Variants in SDK1 observed in about 807,000 individuals in gnomAD.
SDK1 encodes sidekick cell adhesion molecule 1.
SDK1 carries 157 observed loss-of-function variants against 245.5 expected under a neutral mutation model. That is an observed-to-expected ratio of 0.64 (90% CI 0.56 to 0.73). SDK1 has a LOEUF of 0.73. Among genes scored for constraint, SDK1 ranks in the 30% least tolerant of loss-of-function variants. The pLI is 0.00. For synonymous variants in SDK1, 1,647 were observed against 1,278.5 expected (o/e 1.29, Z -6.15); for missense variants, 3,583 against 3,002.3 (o/e 1.19, Z -4.52).
chr7:3,787,180 A>ACACACACT (rs1174717395), intron 4 of SDK1, among the ~76,000 whole-genome samples: 13 of 151,518 alleles, frequency 8.6e-5, no homozygotes, highest in South Asian at 2.1e-4. Flanking sequence ...ACACACACAC[A>ACACACACT]CACACACTCC....
rs73296361 is a variant in SDK1, at chr7:3,398,210, C to T, written c.298+96326C>T. Among the ~76,000 whole-genome samples the T allele has an allele frequency of 2.6e-5, 4 of 152,002 alleles. No individual in the cohort carries two copies. The East Asian group carries it at 7.7e-4, about 29-fold the overall frequency. ...TCCTTGCTTTTTTCTCCTTTATTTT[C>T]TTTGGGCTTCCCTAGAAATACCGCC... On this transcript the variant is annotated intron_variant, in intron 1 of 44. Transcript: ENST00000404826.
At chr7:3,758,821 C>A (rs1051878323) in intron 4 of SDK1, among the ~76,000 whole-genome samples, 1 of 152,282 alleles carries the variant, frequency 6.6e-6, no homozygotes, top group East Asian at 1.9e-4. Context: ...TCAGTGGACC[C>A]AGCTAGGAAA....
intron 44 of SDK1, among the ~76,000 whole-genome samples, chr7:4,250,170 C>A (rs1267534439): frequency 6.6e-6 from 1 of 152,198 alleles, no homozygotes; most frequent in East Asian, 1.9e-4. Flanking sequence ...TGACTGGCTT[C>A]TTTCCCTTAG....
chr7:3,460,928 G>C (rs1420074034), intron 1 of SDK1, among the ~76,000 whole-genome samples: 1 of 152,148 alleles, frequency 6.6e-6, no homozygotes, highest in Non-Finnish European at 1.5e-5. Flanking sequence ...ATCTTTGACA[G>C]AGACACGTTT....
intron 4 of SDK1, among the ~76,000 whole-genome samples, chr7:3,687,127 C>T (rs1784309392): frequency 6.7e-6 from 1 of 148,644 alleles, no homozygotes. Flanking sequence ...GGCATTGTTT[C>T]CAAGACAAAT....
At chr7:3,472,807 A>G (rs893896710) in intron 1 of SDK1, among the ~76,000 whole-genome samples, 3 of 152,174 alleles carry the variant, frequency 2.0e-5, no homozygotes, top group African/African-American at 7.2e-5. Flanking sequence ...ACATAGGGTA[A>G]CAGCAAGTTG....
chr7:3,651,680 G>T (rs1783018524), intron 4 of SDK1, among the ~76,000 whole-genome samples: 1 of 152,170 alleles, frequency 6.6e-6, no homozygotes, highest in Non-Finnish European at 1.5e-5. Flanking sequence ...AGCAGAATGA[G>T]CTCCAAGTAA....
intron 1 of SDK1, among the ~76,000 whole-genome samples, chr7:3,534,736 A>AG (rs2128618800): frequency 6.6e-6 from 1 of 152,320 alleles, no homozygotes; most frequent in Non-Finnish European, 1.5e-5. Context: ...GGAAGTCCTC[A>AG]GTAAGGTTTT....
At chr7:4,116,382 C>A (rs542277382) in intron 25 of SDK1, among the ~76,000 whole-genome samples, 19 of 152,204 alleles carry the variant, frequency 1.2e-4, no homozygotes, top group Non-Finnish European at 2.5e-4. Flanking sequence ...CAGCAGCGCC[C>A]AGCACACCGA....
chr7:3,543,156 T>C (rs1364472105), intron 1 of SDK1, among the ~76,000 whole-genome samples: 2 of 152,234 alleles, frequency 1.3e-5, no homozygotes, highest in Non-Finnish European at 2.9e-5. Context: ...ATTTCTACTC[T>C]AGTTGTGGAA....
intron 1 of SDK1, among the ~76,000 whole-genome samples, chr7:3,402,131 T>G (rs1464825937): frequency 6.6e-6 from 1 of 152,152 alleles, no homozygotes; most frequent in Non-Finnish European, 1.5e-5. Context: ...GAAAATAATA[T>G]GCGGAAAATA....
intron 5 of SDK1, among the ~76,000 whole-genome samples, chr7:3,839,364 A>G (rs1780101946): frequency 6.6e-6 from 1 of 152,132 alleles, no homozygotes; most frequent in African/African-American, 2.4e-5. Context: ...GAGAGCTTAG[A>G]ATTCTTGGTT....
intron 13 of SDK1, among the ~76,000 whole-genome samples, chr7:3,978,867 G>A (rs1365064308): frequency 6.6e-6 from 1 of 152,212 alleles, no homozygotes; most frequent in East Asian, 1.9e-4. Context: ...CTCCACTTCA[G>A]TTAAAAGCTG....
chr7:3,653,524 AC>A (rs918432436), intron 4 of SDK1, among the ~76,000 whole-genome samples: 6 of 152,290 alleles, frequency 3.9e-5, no homozygotes, highest in Admixed American at 3.9e-4. Flanking sequence ...ATGTAAAGCC[AC>A]CAGGGAGGGT....
chr7:3,684,421 G>C (rs1221559102), intron 4 of SDK1, among the ~76,000 whole-genome samples: 1 of 152,186 alleles, frequency 6.6e-6, no homozygotes, highest in Non-Finnish European at 1.5e-5. Context: ...AGAGGAGTCA[G>C]TGCTTCCCTT....
intron 32 of SDK1, among the ~76,000 whole-genome samples, chr7:4,167,692 A>G (rs900883886): frequency 6.6e-6 from 1 of 152,246 alleles, no homozygotes; most frequent in South Asian, 2.1e-4. Flanking sequence ...TTTAAACATG[A>G]ACAAGACCCG....
intron 1 of SDK1, among the ~76,000 whole-genome samples, chr7:3,380,945 G>C (rs1781472740): frequency 6.6e-6 from 1 of 152,306 alleles, no homozygotes. Context: ...TCAAGCTTTT[G>C]TGGTTATGTT....
intron 4 of SDK1, among the ~76,000 whole-genome samples, chr7:3,661,758 C>G (rs4722993): frequency 0.25 from 38,080 of 152,062 alleles, 5,119 homozygotes; most frequent in Non-Finnish European, 0.3. Context: ...ACCAGGCTGT[C>G]TGGGTTCAGA....
intron 40 of SDK1, among the ~76,000 whole-genome samples, chr7:4,227,776 C>T (rs539438934): frequency 4.6e-4 from 70 of 152,286 alleles, no homozygotes; most frequent in African/African-American, 1.6e-3. Context: ...GAGTGCAGAC[C>T]CTTCGACGTG....
Sources: allele counts gnomAD v4.1 joint callset (sites outside exome capture counted in the v4.1 genomes callset), GRCh38; gene constraint gnomAD v4.1.1; transcripts MANE v1.5; gene names NCBI Gene and HGNC (gene_info 2026-07-23, HGNC 2026-07-21).